Variants in PPARGC1B observed in about 807,000 individuals in gnomAD.
The protein encoded by PPARGC1B is PPARG coactivator 1 beta.
A neutral mutation model predicts 101.6 loss-of-function variants in PPARGC1B; 34 were observed. That is an observed-to-expected ratio of 0.33 (90% confidence interval 0.25 to 0.45). The LOEUF (loss-of-function observed/expected upper bound fraction) is 0.45. PPARGC1B is among the 20% of genes least tolerant of loss of function. The probability of loss-of-function intolerance (pLI) is 1.00; values close to 1 mark genes in which losing one functional copy is unlikely to be tolerated. For missense variants in PPARGC1B, 1,234 were observed against 1,317.6 expected (o/e 0.94, Z 0.98); for synonymous variants, 548 against 539.3 (o/e 1.02, Z -0.22).
In PPARGC1B at chr5:149,799,690, G is replaced by GTTT. The variant is rs369350284; in HGVS notation, c.79-20741_79-20740insTTT. On this transcript the variant is annotated intron_variant, in intron 1 of 11. Transcript: ENST00000309241. ...TTTTTTGTTTGTTTGTTTGCTTGTT[G>GTTT]TTGTTTTTTTTTTTTTTTTTTTTTG... Among the ~76,000 whole-genome samples, 263 of 64,992 alleles carry GTTT rather than the reference G, an allele frequency of 4.0e-3. 15 individuals are homozygous for GTTT. The highest frequency in any genetic ancestry group is 0.011 in the African/African-American group (209 of 18,660). The allele number at this position is 64,992 out of a possible 152,430, so 42.6% of individuals were successfully genotyped here.
At chr5:149,856,892 T>C (rs576186700), downstream of PPARGC1B, among the ~76,000 whole-genome samples, 26 of 151,398 alleles carry the variant, frequency 1.7e-4, no homozygotes, top group East Asian at 4.5e-3. Context: ...TGCCTCAGCC[T>C]CCCAAGTAGC....
intron 8 of PPARGC1B, among the ~76,000 whole-genome samples, chr5:149,838,779 G>A (rs1759215882): frequency 6.6e-6 from 1 of 152,130 alleles, no homozygotes; most frequent in South Asian, 2.1e-4. Context: ...TGGGTAACCT[G>A]GCTCCTGCTC....
intron 1 of PPARGC1B, among the ~76,000 whole-genome samples, chr5:149,769,854 C>T (rs778919858): frequency 1.1e-4 from 17 of 152,142 alleles, no homozygotes; most frequent in Admixed American, 7.9e-4. Context: ...CTGACCCTGA[C>T]CCTTCTGCCT....
intron 3 of PPARGC1B, among the ~76,000 whole-genome samples, chr5:149,829,003 A>T (rs1758638134): frequency 6.6e-6 from 1 of 151,958 alleles, no homozygotes; most frequent in Admixed American, 6.6e-5. Context: ...GTGAGCTAGG[A>T]TCATGATACT....
intron 1 of PPARGC1B, among the ~76,000 whole-genome samples, chr5:149,815,531 G>A (rs1213617591): frequency 6.6e-6 from 1 of 151,852 alleles, no homozygotes; most frequent in Admixed American, 6.6e-5. Flanking sequence ...GGAAGCCCTA[G>A]CAACCTAATT....
At chr5:149,830,740 C>T in intron 3 of PPARGC1B, 27 bp from the exon 4 acceptor site, 1 of 1,564,208 alleles carries the variant, frequency 6.4e-7, no homozygotes, top group Non-Finnish European at 8.8e-7. Flanking sequence ...TCAGCCCCGG[C>T]TCCTGTCCTC....
At chr5:149,787,749 T>C (rs898924298) in intron 1 of PPARGC1B, among the ~76,000 whole-genome samples, 1 of 152,196 alleles carries the variant, frequency 6.6e-6, no homozygotes, top group East Asian at 1.9e-4. Flanking sequence ...GGACATGGAC[T>C]GGGCTATGAG....
intron 1 of PPARGC1B, among the ~76,000 whole-genome samples, chr5:149,789,355 T>C (rs1026873569): frequency 6.6e-6 from 1 of 152,230 alleles, no homozygotes; most frequent in Non-Finnish European, 1.5e-5. Context: ...TGCAGACTTA[T>C]GTACACAGGT....
chr5:149,815,296 G>A (rs1453925552), intron 1 of PPARGC1B, among the ~76,000 whole-genome samples: 3 of 152,194 alleles, frequency 2.0e-5, no homozygotes, highest in Admixed American at 1.3e-4. Context: ...TCATTAGGGT[G>A]GGCCCTCATC....
chr5:149,832,613 T>G lies in PPARGC1B; in HGVS notation c.583-43T>G. 1.4e-6 allele frequency: 2 copies of G among 1,434,436 alleles called. No homozygotes were observed. The highest frequency in any genetic ancestry group is 9.4e-7 in the Non-Finnish European group (1 of 1,067,310). 88.9% of individuals were successfully genotyped at this position (1,434,436 alleles called of 1,614,324 possible). ...ATGCGGATGAGACACATGGGAGGAG[T>G]GTTTGGGCCTCCTTCCTCACTCTGG... On this transcript the variant is annotated intron_variant, in intron 4 of 11. Transcript: ENST00000309241. The surrounding 1 kb of genome is among the most constrained non-coding windows in gnomAD (Gnocchi z 4.9).
At chr5:149,738,389 T>C (rs937352173) in intron 1 of PPARGC1B, among the ~76,000 whole-genome samples, 1 of 152,176 alleles carries the variant, frequency 6.6e-6, no homozygotes, top group Non-Finnish European at 1.5e-5. Context: ...TCAATCCTCA[T>C]TGAGTGAATG....
Position 149,836,991 on chromosome 5 carries a change from C to G in PPARGC1B, c.2536C>G (p.Arg846Gly), listed in dbSNP as rs751402065. The G allele has an allele frequency of 6.2e-7, 1 of 1,614,050 alleles. No homozygotes were observed. ...CCAGAGCCCACCAAGCAAGGCCAACCGGCAGCTCTGTTCCCGCAGCCGCTC... is the reference window on the plus strand; with the variant it reads ...CCAGAGCCCACCAAGCAAGGCCAACGGGCAGCTCTGTTCCCGCAGCCGCTC... Reference protein sequence around the residue: ...PYQSPPSKANRQLCSRSRSSS... With the variant: ...PYQSPPSKANGQLCSRSRSSS... The change falls in exon 8 of 12, where the codon CGG becomes GGG. Residue 846 changes from arginine to glycine, a missense_variant. Arg to Gly is a moderately radical substitution (Grantham distance 125). Transcript: ENST00000309241.
Position 149,833,654 on chromosome 5 carries a change from C to A in PPARGC1B, c.1581C>A (p.Asp527Glu), listed in dbSNP as rs12659862. ...DVERELGSPTDEDSGQDQQLL... is the reference protein window; with the variant it reads ...DVERELGSPTEEDSGQDQQLL... ...AGCGGGAGCTGGGCAGCCCCACGGA[C>A]GAGGACAGTGGCCAAGACCAGCAGC... Residue 527 changes from aspartate to glutamate, a missense_variant, in exon 5 of 12, where the codon GAC becomes GAA. Asp to Glu is a conservative substitution (Grantham distance 45, BLOSUM62 2). This residue lies in a region of PPARGC1B where 734 missense variants were observed against 768.4 expected (regional missense o/e 0.96). Coordinates refer to ENST00000309241, the MANE Select transcript of PPARGC1B (RefSeq NM_133263.4). This position sits in a 1 kb window ranked among gnomAD's most constrained non-coding sequence, Gnocchi z 4.1. 11 of 1,610,040 alleles carry A rather than the reference C, an allele frequency of 6.8e-6. No individual in the cohort carries two copies. In the South Asian group the frequency reaches 1.2e-4, roughly 18 times the overall value.
At chr5:149,806,012 A>T (rs1757584450) in intron 1 of PPARGC1B, among the ~76,000 whole-genome samples, 1 of 152,156 alleles carries the variant, frequency 6.6e-6, no homozygotes, top group South Asian at 2.1e-4. Flanking sequence ...CTGCTGAGTC[A>T]TCTCTCCCTC....
At chr5:149,754,978 A>T (rs923802287) in intron 1 of PPARGC1B, among the ~76,000 whole-genome samples, 1 of 147,422 alleles carries the variant, frequency 6.8e-6, no homozygotes, top group African/African-American at 2.5e-5. Context: ...AAACACACAC[A>T]CTATATATAT....
intron 1 of PPARGC1B, among the ~76,000 whole-genome samples, chr5:149,806,674 C>T (rs1757612231): frequency 6.7e-6 from 1 of 149,318 alleles, no homozygotes; most frequent in African/African-American, 2.5e-5. Flanking sequence ...ATGGTGTGAT[C>T]TCGGCTCACT....
At chr5:149,809,351 A>G (rs768787682) in intron 1 of PPARGC1B, among the ~76,000 whole-genome samples, 19 of 39,682 alleles carry the variant, frequency 4.8e-4, no homozygotes, top group South Asian at 8.7e-4. Flanking sequence ...CATCTCTACC[A>G]TAGATAGATA....
At chr5:149,737,987 C>G (rs1215053006) in intron 1 of PPARGC1B, among the ~76,000 whole-genome samples, 2 of 149,514 alleles carry the variant, frequency 1.3e-5, no homozygotes. Context: ...GAGTGAGACT[C>G]TGTCTCAAAA....
intron 9 of PPARGC1B, among the ~76,000 whole-genome samples, chr5:149,841,604 A>G (rs1759338454): frequency 6.6e-6 from 1 of 152,188 alleles, no homozygotes; most frequent in South Asian, 2.1e-4. Context: ...CTTCTCTCGC[A>G]GGTCAGAGTG....
Sources: gnomAD v4.1 joint callset for allele counts (sites outside exome capture counted in the v4.1 genomes callset) on GRCh38, gnomAD v4.1.1 for gene constraint, gnomAD v4.1.1 regional missense constraint, Gnocchi (gnomAD v3.1) non-coding constraint, MANE v1.5 for transcripts, NCBI Gene and HGNC (gene_info 2026-07-23, HGNC 2026-07-21) for gene names.